The following KCNQ5 variants were observed in gnomAD, a reference collection of about 807,000 sequenced individuals.
The protein encoded by KCNQ5 is potassium voltage-gated channel subfamily KQT member 5.
Under a neutral mutation model 98.2 loss-of-function variants are expected in KCNQ5, and 30 were observed. The ratio of observed to expected loss-of-function variants is 0.31; its 90% CI spans 0.23 to 0.41. The LOEUF (loss-of-function observed/expected upper bound fraction) is 0.41, where lower values mean the gene tolerates loss of function less well. KCNQ5 is among the 10% of genes least tolerant of loss of function. The pLI, the probability that KCNQ5 is intolerant of heterozygous loss-of-function variation, is 1.00. For synonymous variants in KCNQ5, 458 were observed against 449.4 expected (o/e 1.02, Z -0.24); for missense variants, 835 against 1,182.5 (o/e 0.71, Z 4.31).
chr6:72,681,051 G>A (rs1767680258), intron 1 of KCNQ5, among the ~76,000 whole-genome samples: 1 of 152,142 alleles, frequency 6.6e-6, no homozygotes, highest in Non-Finnish European at 1.5e-5. Flanking sequence ...AGTGTGGAAG[G>A]GCTATGAAAG....
intron 13 of KCNQ5, among the ~76,000 whole-genome samples, chr6:73,193,868 TC>T: frequency 6.7e-6 from 1 of 149,954 alleles, no homozygotes. Context: ...GACAGGGACT[TC>T]TCTGTCACCC....
intron 1 of KCNQ5, among the ~76,000 whole-genome samples, chr6:72,867,746 T>A (rs1778044990): frequency 6.6e-6 from 1 of 151,616 alleles, no homozygotes; most frequent in Non-Finnish European, 1.5e-5. Context: ...AAGACCAGCC[T>A]GAGCAACATG....
chr6:72,913,795 G>A (rs1480313174), intron 1 of KCNQ5, among the ~76,000 whole-genome samples: 1 of 152,192 alleles, frequency 6.6e-6, no homozygotes, highest in Admixed American at 6.5e-5. Flanking sequence ...AAGTTTTCAT[G>A]ACATGAGAGC....
At chr6:72,854,114 C>A (rs556511446) in intron 1 of KCNQ5, among the ~76,000 whole-genome samples, 115 of 152,240 alleles carry the variant, frequency 7.6e-4, no homozygotes, top group African/African-American at 2.7e-3. Flanking sequence ...CGCTTAAGAA[C>A]CTGCATGCAA....
intron 2 of KCNQ5, among the ~76,000 whole-genome samples, chr6:73,021,756 T>G (rs1194593588): frequency 6.6e-6 from 1 of 152,228 alleles, no homozygotes; most frequent in East Asian, 1.9e-4. Flanking sequence ...TGGTTTCAAT[T>G]AATCTTGCAA....
intron 10 of KCNQ5, among the ~76,000 whole-genome samples, chr6:73,163,446 G>T (rs1185651301): frequency 6.6e-6 from 1 of 151,922 alleles, no homozygotes; most frequent in Non-Finnish European, 1.5e-5. Context: ...AAATGAGTTT[G>T]GTTAAAAATA....
chr6:72,896,971 G>GT (rs1779276994), intron 1 of KCNQ5, among the ~76,000 whole-genome samples: 1 of 151,482 alleles, frequency 6.6e-6, no homozygotes. Flanking sequence ...TTGGTTTTTT[G>GT]TTTTTTTCTT....
chr6:72,969,258 C>T (rs1767759850), intron 1 of KCNQ5, among the ~76,000 whole-genome samples: 1 of 152,138 alleles, frequency 6.6e-6, no homozygotes, highest in African/African-American at 2.4e-5. Context: ...TTTCCTTCAT[C>T]TTAAGATTTT....
chr6:72,878,579 T>C (rs1357550658), intron 1 of KCNQ5, among the ~76,000 whole-genome samples: 1 of 152,122 alleles, frequency 6.6e-6, no homozygotes, highest in Non-Finnish European at 1.5e-5. Context: ...TTTTATGGAA[T>C]ATAGAGACCA....
At chr6:72,728,009 A>T (rs543331440) in intron 1 of KCNQ5, among the ~76,000 whole-genome samples, 74 of 152,310 alleles carry the variant, frequency 4.9e-4, no homozygotes, top group Non-Finnish European at 8.7e-4. Flanking sequence ...CCTGGCAATA[A>T]CATTTTAATC....
At chr6:72,625,309 T>G (rs10943042) in intron 1 of KCNQ5, among the ~76,000 whole-genome samples, 60,816 of 152,144 alleles carry the variant, frequency 0.4, 13,066 homozygotes, top group Middle Eastern at 0.51. Context: ...GATGACCTAC[T>G]TCAAATATTT....
chr6:73,062,835 C>G (rs781114337), intron 3 of KCNQ5, among the ~76,000 whole-genome samples: 3 of 152,092 alleles, frequency 2.0e-5, no homozygotes, highest in Non-Finnish European at 4.4e-5. Context: ...TTACTTCTGC[C>G]TTTTGCAAAA....
intron 1 of KCNQ5, among the ~76,000 whole-genome samples, chr6:72,656,802 A>G (rs1766218426): frequency 6.6e-6 from 1 of 152,188 alleles, no homozygotes; most frequent in Non-Finnish European, 1.5e-5. Context: ...TTGGCCTGGA[A>G]CTAATCACTG....
chr6:72,852,808 A>G (rs945261976), intron 1 of KCNQ5, among the ~76,000 whole-genome samples: 1 of 151,400 alleles, frequency 6.6e-6, no homozygotes, highest in Non-Finnish European at 1.5e-5. Flanking sequence ...AATAAATTAC[A>G]TTAAAAACAA....
intron 1 of KCNQ5, among the ~76,000 whole-genome samples, chr6:72,762,694 G>C (rs1416830996): frequency 2.0e-5 from 3 of 152,100 alleles, no homozygotes; most frequent in Admixed American, 1.3e-4. Context: ...CTATTGTCCA[G>C]ATGAGAAGAG....
intron 1 of KCNQ5, among the ~76,000 whole-genome samples, chr6:72,701,269 C>T (rs1768790321): frequency 1.3e-5 from 2 of 152,180 alleles, no homozygotes; most frequent in South Asian, 4.1e-4. Context: ...TGTAGTTGTG[C>T]AGCAGTTAAC....
In KCNQ5 at chr6:73,041,956, C is replaced by T. The variant is rs779272539; in HGVS notation, c.510C>T (p.Val170=). 7 of 1,613,844 alleles carry T rather than the reference C, an allele frequency of 4.3e-6. No individual in the cohort carries two copies. Among genetic ancestry groups the T allele is most frequent in the Non-Finnish European group, 5.9e-6 (7 of 1,179,776 alleles). Residue 170 remains valine, a synonymous_variant, in exon 3 of 14, where the codon GTC becomes GTT. Coordinates refer to ENST00000370398, the MANE Select transcript of KCNQ5 (RefSeq NM_019842.4). ...LLILEFVMIV[V]FGLEFIIRIW... ...TTTAGGAGTTCGTGATGATTGTCGTCTTTGGTTTGGAGTTCATCATTCGAA... is the reference window on the plus strand; with the variant it reads ...TTTAGGAGTTCGTGATGATTGTCGTTTTTGGTTTGGAGTTCATCATTCGAA...
chr6:72,911,412 C>G (rs1779937253), intron 1 of KCNQ5, among the ~76,000 whole-genome samples: 1 of 152,108 alleles, frequency 6.6e-6, no homozygotes, highest in East Asian at 1.9e-4. Context: ...AAGGGGGCCT[C>G]ACCAGAACCC....
At chr6:72,829,775 A>T (rs1453742450) in intron 1 of KCNQ5, among the ~76,000 whole-genome samples, 1 of 152,174 alleles carries the variant, frequency 6.6e-6, no homozygotes, top group African/African-American at 2.4e-5. Flanking sequence ...TAGATGTTTG[A>T]GACAAAGTAA....
Sources: allele counts gnomAD v4.1 joint callset (sites outside exome capture counted in the v4.1 genomes callset), GRCh38; gene constraint gnomAD v4.1.1; transcripts MANE v1.5; gene names NCBI Gene and HGNC (gene_info 2026-07-23, HGNC 2026-07-21).